OPCML: variants seen among roughly 807,000 people sequenced by gnomAD.
OPCML encodes the protein opioid binding protein/cell adhesion molecule like.
In OPCML, 13 loss-of-function variants were observed where a neutral mutation model predicts 37.8. The observed-to-expected ratio is 0.34, with a 90% CI of 0.22 to 0.55. The LOEUF (loss-of-function observed/expected upper bound fraction) is 0.55. OPCML is among the 20% of genes least tolerant of loss of function. The pLI is 0.91. For missense variants in OPCML, 341 were observed against 435.6 expected (o/e 0.78, Z 1.93); for synonymous variants, 176 against 168.8 (o/e 1.04, Z -0.33).
At chr11:132,459,166 C>A (rs1000386675) in intron 4 of OPCML, among the ~76,000 whole-genome samples, 15 of 152,086 alleles carry the variant, frequency 9.9e-5, no homozygotes, top group African/African-American at 3.6e-4. Flanking sequence ...GGAACAGGAA[C>A]CCGCTCCTGC....
intron 2 of OPCML, among the ~76,000 whole-genome samples, chr11:132,672,876 T>C (rs1445489315): frequency 6.6e-6 from 1 of 152,156 alleles, no homozygotes; most frequent in Admixed American, 6.6e-5. Flanking sequence ...TATTGAGATG[T>C]TTTGAAAACC....
intron 1 of OPCML, chr11:133,067,585 T>C (rs1948460163): frequency 6.6e-6 from 1 of 152,198 alleles, no homozygotes; most frequent in Non-Finnish European, 1.5e-5. Context: ...GGCTTTCTTA[T>C]TTTACCAAGG....
chr11:132,744,193 C>G (rs749089897), intron 2 of OPCML, among the ~76,000 whole-genome samples: 1 of 152,156 alleles, frequency 6.6e-6, no homozygotes, highest in Admixed American at 6.5e-5. Context: ...TGCAACTCCT[C>G]GAAAGATTTT....
intron 1 of OPCML, chr11:133,302,682 A>T (rs925479559): frequency 6.6e-6 from 1 of 152,220 alleles, no homozygotes; most frequent in African/African-American, 2.4e-5. Flanking sequence ...TAACTACTGC[A>T]TTTGGTTTAA....
chr11:132,880,007 G>T (rs755205733), intron 2 of OPCML, among the ~76,000 whole-genome samples: 1 of 152,112 alleles, frequency 6.6e-6, no homozygotes, highest in Non-Finnish European at 1.5e-5. Context: ...AGCCCCAGAG[G>T]TGTAATCGGC....
intron 1 of OPCML, among the ~76,000 whole-genome samples, chr11:133,471,331 T>C (rs938349886): frequency 6.6e-6 from 1 of 152,202 alleles, no homozygotes; most frequent in African/African-American, 2.4e-5. Context: ...GAAGAAGCCT[T>C]TATATACTGA....
chr11:132,869,766 T>C (rs1024173731), intron 2 of OPCML, among the ~76,000 whole-genome samples: 2 of 152,202 alleles, frequency 1.3e-5, no homozygotes, highest in African/African-American at 4.8e-5. Context: ...AAGCACACTC[T>C]ACATAAAGTG....
intron 1 of OPCML, among the ~76,000 whole-genome samples, chr11:133,347,780 T>C (rs774891194): frequency 3.8e-4 from 58 of 152,178 alleles, no homozygotes; most frequent in Non-Finnish European, 7.5e-4. Context: ...TTGTGTATCA[T>C]TCACTTCAGC....
chr11:133,176,565 G>T (rs1937602992), intron 1 of OPCML, among the ~76,000 whole-genome samples: 1 of 151,960 alleles, frequency 6.6e-6, no homozygotes, highest in Admixed American at 6.6e-5. Context: ...CCATCCTCTT[G>T]GTGCTGTCCT....
In OPCML at chr11:133,202,267, C is replaced by A. The variant is rs574928413; in HGVS notation, c.62-259257G>T. Reference sequence around the variant, plus strand: ...CTAGGTTGGGTAGATGGGAGATGGCCAGTCCTACCTGTCCGCCGAACCCAT... The same window carrying A: ...CTAGGTTGGGTAGATGGGAGATGGCAAGTCCTACCTGTCCGCCGAACCCAT... On this transcript the variant is annotated intron_variant, in intron 1 of 7. Transcript: ENST00000524381. Among the ~76,000 whole-genome samples, 16 of 152,150 alleles carry A rather than the reference C, an allele frequency of 1.1e-4. 1 individual carries two copies. The South Asian group carries it at 3.3e-3, about 32-fold the overall frequency.
intron 2 of OPCML, among the ~76,000 whole-genome samples, chr11:132,671,111 A>C (rs1011397541): frequency 2.6e-5 from 4 of 152,210 alleles, no homozygotes; most frequent in Admixed American, 2.0e-4. Context: ...GTTTTTAAAA[A>C]TAAAACTCTC....
At chr11:133,294,941 A>G (rs1460551737) in intron 1 of OPCML, among the ~76,000 whole-genome samples, 1 of 149,524 alleles carries the variant, frequency 6.7e-6, no homozygotes, top group Admixed American at 6.7e-5. Flanking sequence ...CTCCTGCCTC[A>G]GCCTCTCTAG....
rs749099654 is a variant in OPCML, at chr11:132,441,158, C to CTTTTTTT, written c.506-3800_506-3799insAAAAAAA. Among the ~76,000 whole-genome samples the CTTTTTTT allele has an allele frequency of 1.5e-4, 16 of 108,056 alleles. 1 individual carries two copies. Among genetic ancestry groups the CTTTTTTT allele is most frequent in the African/African-American group, 4.0e-4 (9 of 22,734 alleles). 70.9% of individuals were successfully genotyped at this position (108,056 alleles called of 152,430 possible). A position where few individuals can be genotyped will look rare whatever the true frequency, so the allele number is the denominator to read the frequency against. On this transcript the variant is annotated intron_variant, in intron 4 of 7. Transcript: ENST00000524381. ...ATTCTGAAGATGTGTTCACCAAGGA[C>CTTTTTTT]TTTTTTGTTTTTTTTTTTTTTTTTT...
chr11:132,744,965 C>T (rs1405561811), intron 2 of OPCML, among the ~76,000 whole-genome samples: 1 of 151,828 alleles, frequency 6.6e-6, no homozygotes, highest in Non-Finnish European at 1.5e-5. Context: ...GAACGAGCTC[C>T]TAAATATTCG....
intron 1 of OPCML, among the ~76,000 whole-genome samples, chr11:133,254,360 T>A (rs1941244686): frequency 6.6e-6 from 1 of 152,106 alleles, no homozygotes; most frequent in African/African-American, 2.4e-5. Flanking sequence ...CCCACAAGAG[T>A]ACTGCCAATC....
chr11:133,373,448 T>TACACAC (rs1555147606), intron 1 of OPCML, among the ~76,000 whole-genome samples: 38 of 132,032 alleles, frequency 2.9e-4, no homozygotes, highest in Non-Finnish European at 3.6e-4. Flanking sequence ...TATATATATA[T>TACACAC]ACACACACAC....
intron 4 of OPCML, among the ~76,000 whole-genome samples, chr11:132,445,787 G>A (rs2096053091): frequency 6.6e-6 from 1 of 152,190 alleles, no homozygotes; most frequent in Admixed American, 6.5e-5. Context: ...AGTTACACAT[G>A]TATGCTCCCA....
intron 1 of OPCML, among the ~76,000 whole-genome samples, chr11:132,954,475 A>G (rs560896605): frequency 6.6e-6 from 1 of 152,278 alleles, no homozygotes; most frequent in Non-Finnish European, 1.5e-5. Context: ...AGGACTGGGT[A>G]TGACTGACTG....
rs901388145 is a variant in OPCML, at chr11:133,173,362, T to G, written c.62-230352A>C. Among the ~76,000 whole-genome samples, 3 of 152,310 alleles carry G rather than the reference T, an allele frequency of 2.0e-5. No individual in the cohort carries two copies. Among genetic ancestry groups the G allele is most frequent in the African/African-American group, 2.4e-5 (1 of 41,586 alleles). ...CAACATTCTTGGAGTCTGAGACTCA[T>G]AGAGAGGGTATCGATAGGAGTACAG... On this transcript the variant is annotated intron_variant, in intron 1 of 7. Transcript: ENST00000524381. The surrounding 1 kb of genome is among the most constrained non-coding windows in gnomAD (Gnocchi z 7.8).
Sources: gnomAD v4.1 joint callset for allele counts (sites outside exome capture counted in the v4.1 genomes callset) on GRCh38, gnomAD v4.1.1 for gene constraint, Gnocchi (gnomAD v3.1) non-coding constraint, MANE v1.5 for transcripts, NCBI Gene and HGNC (gene_info 2026-07-23, HGNC 2026-07-21) for gene names.